ST6GALNAC3: variants seen among roughly 807,000 people sequenced by gnomAD.
The protein encoded by ST6GALNAC3 is alpha-N-acetylgalactosaminide alpha-2,6-sialyltransferase 3.
Under a neutral mutation model 32.7 loss-of-function variants are expected in ST6GALNAC3, and 25 were observed. The observed-to-expected ratio is 0.76, with a 90% CI of 0.56 to 1.07. The LOEUF (loss-of-function observed/expected upper bound fraction) is 1.07, where lower values mean the gene tolerates loss of function less well. ST6GALNAC3 is among the 50% of genes least tolerant of loss of function. ST6GALNAC3 has a pLI of 0.00. For synonymous variants in ST6GALNAC3, 129 were observed against 133.1 expected (o/e 0.97, Z 0.21); for missense variants, 355 against 382.4 (o/e 0.93, Z 0.60).
At chr1:76,431,164 A>T (rs1163748091) in intron 3 of ST6GALNAC3, among the ~76,000 whole-genome samples, 3 of 152,130 alleles carry the variant, frequency 2.0e-5, no homozygotes, top group African/African-American at 7.2e-5. Context: ...AGGGCTGCTA[A>T]GAGCAAGTTC....
intron 2 of ST6GALNAC3, among the ~76,000 whole-genome samples, chr1:76,323,967 C>T (rs2100932294): frequency 6.6e-6 from 1 of 152,156 alleles, no homozygotes. Context: ...TCAAGTGATT[C>T]TCGTGCCTCA....
At chr1:76,532,695 A>T (rs980044956) in intron 3 of ST6GALNAC3, among the ~76,000 whole-genome samples, 3 of 152,162 alleles carry the variant, frequency 2.0e-5, no homozygotes, top group African/African-American at 7.2e-5. Flanking sequence ...GCCTAAAATG[A>T]TAAATAAAAT....
At chr1:76,410,284 T>TAGGAGGC (rs1654139440) in intron 2 of ST6GALNAC3, among the ~76,000 whole-genome samples, 3 of 152,128 alleles carry the variant, frequency 2.0e-5, no homozygotes, top group African/African-American at 7.2e-5. Context: ...TGCCTCAGGG[T>TAGGAGGC]ATTTGCATTG....
chr1:76,616,476 G>A (rs1335597870), intron 3 of ST6GALNAC3, among the ~76,000 whole-genome samples: 3 of 152,202 alleles, frequency 2.0e-5, no homozygotes, highest in Admixed American at 2.0e-4. Flanking sequence ...TGATGGAGCA[G>A]ATAGCTCCCC....
intron 1 of ST6GALNAC3, among the ~76,000 whole-genome samples, chr1:76,307,201 C>T (rs1197920905): frequency 6.6e-6 from 1 of 152,072 alleles, no homozygotes; most frequent in Admixed American, 6.6e-5. Context: ...GCCTTCTTTA[C>T]TTACCCATAC....
At position 76,287,733 on chromosome 1, in the gene ST6GALNAC3, A is replaced by C. The variant is rs1230000276; in HGVS notation, c.19-26072A>C. Among the ~76,000 whole-genome samples the C allele has an allele frequency of 2.0e-5, 3 of 152,200 alleles. No homozygotes were observed. The East Asian group carries it at 5.8e-4, about 29-fold the overall frequency. On this transcript the variant is annotated intron_variant, in intron 1 of 4. Transcript: ENST00000328299. ...CAGAATTTGAGCATTGTTAAAAGTT[A>C]GTCCATTGGGTGTGTTTGTTCTTCA...
intron 3 of ST6GALNAC3, among the ~76,000 whole-genome samples, chr1:76,521,120 C>T (rs1479805757): frequency 6.6e-6 from 1 of 151,964 alleles, no homozygotes; most frequent in Admixed American, 6.6e-5. Context: ...CTTATTACAG[C>T]TTAATTCAAA....
Position 76,235,468 on chromosome 1 carries a change from C to A in ST6GALNAC3, c.19-78337C>A, listed in dbSNP as rs2100649999. Among the ~76,000 whole-genome samples the A allele has an allele frequency of 1.3e-5, 2 of 152,146 alleles. 1 individual carries two copies. The highest frequency in any genetic ancestry group is 1.3e-4 in the Admixed American group (2 of 15,270). ...GCTGCAGTGATCCATGATGGTGCCA[C>A]TGCACTCCAGCCTGGGCAACAGAGC... On this transcript the variant is annotated intron_variant, in intron 1 of 4. Coordinates refer to ENST00000328299, the MANE Select transcript of ST6GALNAC3 (RefSeq NM_152996.4).
At chr1:76,144,707 C>T (rs1406044210) in intron 1 of ST6GALNAC3, among the ~76,000 whole-genome samples, 5 of 152,220 alleles carry the variant, frequency 3.3e-5, no homozygotes, top group African/African-American at 1.2e-4. Flanking sequence ...TTCTGTGAAG[C>T]AAACTAGTCT....
At chr1:76,490,839 C>CT (rs1006875657) in intron 3 of ST6GALNAC3, among the ~76,000 whole-genome samples, 1 of 146,432 alleles carries the variant, frequency 6.8e-6, no homozygotes, top group Non-Finnish European at 1.5e-5. Context: ...CATTTAGTTT[C>CT]TTTTTTTTCT....
intron 1 of ST6GALNAC3, among the ~76,000 whole-genome samples, chr1:76,100,044 T>A (rs1647192609): frequency 2.0e-5 from 3 of 152,152 alleles, no homozygotes; most frequent in African/African-American, 2.4e-5. Flanking sequence ...AAATTAAATT[T>A]AATTTTGTTT....
intron 3 of ST6GALNAC3, among the ~76,000 whole-genome samples, chr1:76,538,780 G>A (rs997337667): frequency 4.6e-5 from 7 of 152,070 alleles, no homozygotes; most frequent in Admixed American, 2.0e-4. Flanking sequence ...ACTACAAAGA[G>A]AGTACAATAC....
intron 1 of ST6GALNAC3, among the ~76,000 whole-genome samples, chr1:76,098,448 G>A (rs1262339307): frequency 6.6e-6 from 1 of 152,102 alleles, no homozygotes; most frequent in East Asian, 1.9e-4. Flanking sequence ...ACAACAATTG[G>A]TTTAAACTTT....
intron 1 of ST6GALNAC3, among the ~76,000 whole-genome samples, chr1:76,202,629 T>C (rs1246961519): frequency 6.6e-6 from 1 of 152,034 alleles, no homozygotes; most frequent in Non-Finnish European, 1.5e-5. Flanking sequence ...AAGTGTGAAG[T>C]GTTTGCAGTC....
intron 1 of ST6GALNAC3, among the ~76,000 whole-genome samples, chr1:76,272,049 C>T (rs1208762059): frequency 1.3e-5 from 2 of 151,884 alleles, no homozygotes; most frequent in Admixed American, 6.6e-5. Flanking sequence ...AAATTAAAGC[C>T]GGGCGCGGTG....
rs538835040 is a variant in ST6GALNAC3, at chr1:76,313,785, G to GT, written c.19-13dup. 1,834 of 1,609,410 alleles carry GT rather than the reference G, an allele frequency of 1.1e-3. 2 individuals carry two copies. Among genetic ancestry groups the GT allele is most frequent in the Non-Finnish European group, 1.4e-3 (1,660 of 1,177,982 alleles). On this transcript the variant is annotated intron_variant, in intron 1 of 4. Coordinates refer to ENST00000328299, the MANE Select transcript of ST6GALNAC3 (RefSeq NM_152996.4). ...TTGAAAGTCATTCGTTCTTCTTTTT[G>GT]TTTTTTTAATGTTTTGTAGAGAAAG...
At chr1:76,478,897 G>A (rs1331979203) in intron 3 of ST6GALNAC3, among the ~76,000 whole-genome samples, 1 of 150,906 alleles carries the variant, frequency 6.6e-6, no homozygotes, top group African/African-American at 2.4e-5. Flanking sequence ...TGAGTAGCTG[G>A]GACCACAGGT....
At chr1:76,440,497 T>C (rs1221637201) in intron 3 of ST6GALNAC3, among the ~76,000 whole-genome samples, 1 of 152,202 alleles carries the variant, frequency 6.6e-6, no homozygotes, top group East Asian at 1.9e-4. Flanking sequence ...AAAGCAGAGA[T>C]TATGCCAAGG....
At chr1:76,585,469 G>A (rs1646949086) in intron 3 of ST6GALNAC3, among the ~76,000 whole-genome samples, 1 of 151,968 alleles carries the variant, frequency 6.6e-6, no homozygotes. Flanking sequence ...ATAAGAGGAA[G>A]AACAACACCT....
Sources: gnomAD v4.1 joint callset for allele counts (sites outside exome capture counted in the v4.1 genomes callset) on GRCh38, gnomAD v4.1.1 for gene constraint, MANE v1.5 for transcripts, NCBI Gene and HGNC (gene_info 2026-07-23, HGNC 2026-07-21) for gene names.